CLIP1: variants seen among roughly 807,000 people sequenced by gnomAD.
CLIP1 encodes the protein CAP-Gly domain-containing linker protein 1.
Under a neutral mutation model 161.6 loss-of-function variants are expected in CLIP1, and 66 were observed. The ratio of observed to expected loss-of-function variants is 0.41; its 90% confidence interval spans 0.33 to 0.50. CLIP1 has a LOEUF of 0.50. Ranked by LOEUF, CLIP1 falls within the 20% of genes least tolerant of loss-of-function variation. CLIP1 has a pLI of 0.27. For missense variants in CLIP1, 1,376 were observed against 1,702.0 expected (o/e 0.81, Z 3.37); for synonymous variants, 598 against 626.2 (o/e 0.96, Z 0.67).
At chr12:122,360,863 G>A in intron 5 of CLIP1, 96 bp downstream of exon 5, 1 of 1,019,454 alleles carries the variant, frequency 9.8e-7, no homozygotes, top group East Asian at 2.7e-5. Context: ...TCAGCACAAG[G>A]ACAAGCAAAG....
chr12:122,320,911 T>A (rs1489287227), intron 17 of CLIP1, among the ~76,000 whole-genome samples: 2 of 151,562 alleles, frequency 1.3e-5, no homozygotes, highest in African/African-American at 4.8e-5. Flanking sequence ...GGTTTCACCA[T>A]GTTGGCCAGG....
At chr12:122,305,722 C>T (rs74510694) in intron 20 of CLIP1, among the ~76,000 whole-genome samples, 4,257 of 152,120 alleles carry the variant, frequency 0.028, 180 homozygotes, top group African/African-American at 0.098. Flanking sequence ...GGCTGCCCAC[C>T]TTTCATCTAG....
chr12:122,297,724 C>T (rs1397570453), intron 20 of CLIP1, among the ~76,000 whole-genome samples: 2 of 152,158 alleles, frequency 1.3e-5, no homozygotes, highest in African/African-American at 2.4e-5. Context: ...TGGGAAAAAA[C>T]GGAAGAGGAA....
rs992735445 is a variant in CLIP1, at chr12:122,328,098, G to A, written c.3098C>T (p.Thr1033Ile). Residue 1033 changes from threonine to isoleucine, a missense_variant, in exon 17 of 26, where the codon ACT becomes ATT. Coordinates refer to ENST00000620786, the MANE Select transcript of CLIP1 (RefSeq NM_001247997.2). ...TTCATGCTTGGTTTTTGTCTCAGAAGTGGCTCTCTCATACCTGGCTTTCAG... is the reference window on the plus strand; with the variant it reads ...TTCATGCTTGGTTTTTGTCTCAGAAATGGCTCTCTCATACCTGGCTTTCAG... ...QELKARYERATSETKTKHEEI... is the reference protein window; with the variant it reads ...QELKARYERAISETKTKHEEI... 3.7e-6 allele frequency: 6 copies of A among 1,614,124 alleles called. No homozygotes were observed. The highest frequency in any genetic ancestry group is 3.3e-5 in the Admixed American group (2 of 60,010).
intron 18 of CLIP1, among the ~76,000 whole-genome samples, chr12:122,318,332 A>G (rs902264525): frequency 1.6e-4 from 24 of 152,216 alleles, no homozygotes; most frequent in African/African-American, 5.5e-4. Context: ...CAGGAGTTCC[A>G]GAACAGCCTG....
intron 5 of CLIP1, among the ~76,000 whole-genome samples, chr12:122,357,127 C>A (rs924947865): frequency 1.3e-5 from 2 of 151,698 alleles, no homozygotes; most frequent in Non-Finnish European, 2.9e-5. Context: ...CGTCTCTGCC[C>A]GGCCGCCATC....
intron 19 of CLIP1, among the ~76,000 whole-genome samples, chr12:122,310,731 G>T (rs1162956121): frequency 6.6e-6 from 1 of 152,164 alleles, no homozygotes; most frequent in Non-Finnish European, 1.5e-5. Context: ...TGAATTTTAA[G>T]TACATCTGTG....
At chr12:122,414,475 CT>C (rs1387858168) in intron 1 of CLIP1, among the ~76,000 whole-genome samples, 1 of 151,360 alleles carries the variant, frequency 6.6e-6, no homozygotes, top group Admixed American at 6.6e-5. Flanking sequence ...TTTGTTGTTT[CT>C]TTTTTGAGAC....
rs1352729691 is a variant in CLIP1, at chr12:122,311,456, G to A, written c.3474-1574C>T. On this transcript the variant is annotated intron_variant, in intron 19 of 25. Transcript: ENST00000620786. This position sits in a 1 kb window ranked among gnomAD's most constrained non-coding sequence, Gnocchi z 4.3. ...TTTTTTTTTTTTGAGACAGAGTCTC[G>A]CTCTGTCGCCCAGGCTGGAGTGCAG... Among the ~76,000 whole-genome samples, 2 of 150,946 alleles carry A rather than the reference G, an allele frequency of 1.3e-5. No individual in the cohort carries two copies. Among genetic ancestry groups the A allele is most frequent in the African/African-American group, 2.4e-5 (1 of 40,892 alleles).
chr12:122,418,169 C>G (rs1462918564), intron 1 of CLIP1, among the ~76,000 whole-genome samples: 1 of 152,086 alleles, frequency 6.6e-6, no homozygotes, highest in African/African-American at 2.4e-5. Flanking sequence ...ACAGGGATTT[C>G]TGTCTTTTAT....
intron 1 of CLIP1, among the ~76,000 whole-genome samples, chr12:122,413,805 AG>A (rs1956630524): frequency 6.6e-6 from 1 of 152,138 alleles, no homozygotes; most frequent in South Asian, 2.1e-4. Flanking sequence ...ACAATTAAAA[AG>A]TAGACCCACC....
At chr12:122,318,314 C>T (rs980422317) in intron 18 of CLIP1, among the ~76,000 whole-genome samples, 1 of 152,174 alleles carries the variant, frequency 6.6e-6, no homozygotes, top group African/African-American at 2.4e-5. Flanking sequence ...GTGGGAGGAT[C>T]ACGAGGTCAG....
At chr12:122,402,250 T>G (rs949128105) in intron 1 of CLIP1, among the ~76,000 whole-genome samples, 1 of 152,152 alleles carries the variant, frequency 6.6e-6, no homozygotes, top group Admixed American at 6.6e-5. Flanking sequence ...GGCTCATGCC[T>G]GCCCAAGTGG....
At chr12:122,373,153 G>A (rs923879049) in intron 3 of CLIP1, among the ~76,000 whole-genome samples, 46 of 152,126 alleles carry the variant, frequency 3.0e-4, no homozygotes, top group African/African-American at 1.1e-3. Context: ...GGCCGGGCGT[G>A]GTGGCTCACG....
chr12:122,275,625 TACACACACACACACACGCGCAC>T (rs1475399463), intron 24 of CLIP1: 29 of 115,006 alleles, frequency 2.5e-4, no homozygotes, highest in African/African-American at 8.0e-4. Flanking sequence ...AAGAAAAAAA[TACACACACACACACACGCGCAC>T]ACACACACAC....
chr12:122,332,772 T>C (rs1952038132), intron 15 of CLIP1, among the ~76,000 whole-genome samples: 1 of 152,224 alleles, frequency 6.6e-6, no homozygotes, highest in African/African-American at 2.4e-5. Context: ...AGTATTGTAT[T>C]CCTTAATTCT....
chr12:122,290,605 G>C (rs1327488156), intron 20 of CLIP1, among the ~76,000 whole-genome samples: 1 of 151,984 alleles, frequency 6.6e-6, no homozygotes, highest in African/African-American at 2.4e-5. Flanking sequence ...CAAAGAGCAT[G>C]GCAGACAATT....
Position 122,311,516 on chromosome 12 carries a change from C to G in CLIP1, c.3474-1634G>C, listed in dbSNP as rs1419639497. On this transcript the variant is annotated intron_variant, in intron 19 of 25. Transcript: ENST00000620786. This position sits in a 1 kb window ranked among gnomAD's most constrained non-coding sequence, Gnocchi z 4.3. ...CTCGGCTCACTGCAAGCTCCACCTC[C>G]CAGGTTCACGCCATTCTCCTGCCTC... is the stretch of plus-strand genomic sequence containing the variant. Among the ~76,000 whole-genome samples the G allele has an allele frequency of 6.6e-6, 1 of 152,016 alleles. No homozygotes were observed. Among genetic ancestry groups the G allele is most frequent in the Non-Finnish European group, 1.5e-5 (1 of 68,010 alleles).
chr12:122,316,968 G>T (rs561742358), intron 18 of CLIP1, 113 bp from the exon 19 acceptor site: 3 of 639,108 alleles, frequency 4.7e-6, no homozygotes, highest in Admixed American at 3.6e-5. Context: ...TTAGTCACTC[G>T]CAAAAAAAAA....
Sources: allele counts gnomAD v4.1 joint callset (sites outside exome capture counted in the v4.1 genomes callset), GRCh38; gene constraint gnomAD v4.1.1; non-coding constraint Gnocchi (gnomAD v3.1); transcripts MANE v1.5; gene names NCBI Gene and HGNC (gene_info 2026-07-23, HGNC 2026-07-21).